The following FAM149A variants were observed in gnomAD, a reference collection of about 807,000 sequenced individuals.
FAM149A encodes family with sequence similarity 149 member A, also known as protein FAM149A.
FAM149A carries 71 observed loss-of-function variants against 78.2 expected under a neutral mutation model. The ratio of observed to expected loss-of-function variants is 0.91; its 90% CI spans 0.75 to 1.11. FAM149A has a LOEUF of 1.11. FAM149A is among the 50% of genes least tolerant of loss of function. The pLI is 0.00. For synonymous variants in FAM149A, 446 were observed against 410.5 expected, an observed-to-expected ratio of 1.09 and a Z score of -1.04; for missense variants, 1,036 against 971.0, an observed-to-expected ratio of 1.07 and a Z score of -0.89.
Position 186,154,496 on chromosome 4 carries a change from C to T in FAM149A, c.1087C>T (p.Pro363Ser). 1 of 1,613,126 alleles carries T rather than the reference C, an allele frequency of 6.2e-7. No individual in the cohort carries two copies. Among genetic ancestry groups the T allele is most frequent in the East Asian group, 2.2e-5 (1 of 44,860 alleles). ...GTGCATTTCTGGCTCTCAAATAGTC[C>T]CAGCAGCACTCTCAGCCTCTGCCCT... is the stretch of plus-strand genomic sequence containing the variant. The change falls in exon 6 of 14, where the codon CCA (proline) becomes TCA (serine). Residue 363 changes from proline (P) to serine (S), a missense_variant. This residue lies in a region of FAM149A where 716 missense variants were observed against 711.8 expected (regional missense o/e 1.01). Coordinates refer to ENST00000389354, the MANE Select transcript of FAM149A (RefSeq NM_001367768.3).
At chr4:186,161,467 G>A (rs1479032308) in intron 8 of FAM149A, among the ~76,000 whole-genome samples, 1 of 152,070 alleles carries the variant, frequency 6.6e-6, no homozygotes, top group Non-Finnish European at 1.5e-5. Context: ...AGAAACTTTT[G>A]GAATTGCTAC....
rs778290616 is a variant in FAM149A at position 186,162,796 on chromosome 4, G to A, written c.1576-49G>A. On this transcript the variant is annotated intron_variant, in intron 8 of 13. Transcript: ENST00000389354. The stretch of plus-strand genomic sequence containing the variant: ...AAGCATCAGTCATTGGAACGGCACT[G>A]GGCATTTGTAATTCTTTTTTTTTTT... 1.5e-4 allele frequency: 156 copies of A among 1,013,424 alleles called. 1 individual carries two copies. Among genetic ancestry groups the A allele is most frequent in the Admixed American group, 4.2e-4 (20 of 47,238 alleles). The allele number at this position is 1,013,424 out of a possible 1,614,324, so 62.8% of individuals were successfully genotyped here.
At chr4:186,120,074 T>A (rs929513222) in intron 1 of FAM149A, among the ~76,000 whole-genome samples, 4 of 152,232 alleles carry the variant, frequency 2.6e-5, no homozygotes, top group Admixed American at 2.6e-4. Context: ...TAAGCATGTT[T>A]CACAGATGAA....
At chr4:186,137,844 T>C (rs899989565) in intron 1 of FAM149A, among the ~76,000 whole-genome samples, 5 of 151,598 alleles carry the variant, frequency 3.3e-5, no homozygotes, top group Non-Finnish European at 7.4e-5. Flanking sequence ...ACTTAGGTAA[T>C]TTTTAAATAT....
At chr4:186,158,236 A>G in intron 8 of FAM149A, 1 of 1,258,402 alleles carries the variant, frequency 7.9e-7, no homozygotes, top group Non-Finnish European at 1.0e-6. Flanking sequence ...AGACCCAGGC[A>G]GCCTTCCGGG....
intron 8 of FAM149A, among the ~76,000 whole-genome samples, chr4:186,161,855 T>C (rs1237238224): frequency 6.6e-6 from 1 of 152,232 alleles, no homozygotes; most frequent in Non-Finnish European, 1.5e-5. Flanking sequence ...TAGAACAGAA[T>C]TCCAGTCCCA....
In FAM149A at chr4:186,104,729, G is replaced by C. The variant is rs1446607987; in HGVS notation, c.-348G>C. ...AGCCTGGAGCGCGGCCGGGTGTGTTGAACGTAGCAACCGCGGGCGGCGGGC... is the reference window on the plus strand; with the variant it reads ...AGCCTGGAGCGCGGCCGGGTGTGTTCAACGTAGCAACCGCGGGCGGCGGGC... On this transcript the variant is annotated 5_prime_UTR_variant, in exon 1 of 14. Coordinates refer to ENST00000389354, the MANE Select transcript of FAM149A (RefSeq NM_001367768.3). Among the ~76,000 whole-genome samples the C allele has an allele frequency of 1.4e-5, 2 of 141,584 alleles. No homozygotes were observed. The highest frequency in any genetic ancestry group is 5.6e-5 in the African/African-American group (2 of 36,016). 92.9% of individuals were successfully genotyped at this position (141,584 alleles called of 152,430 possible).
chr4:186,150,589 T>G (rs1388465703), intron 3 of FAM149A, among the ~76,000 whole-genome samples: 2 of 128,022 alleles, frequency 1.6e-5, no homozygotes, highest in Non-Finnish European at 3.4e-5. Flanking sequence ...CCGGCTAATT[T>G]TTTGTATTTT....
chr4:186,153,224 T>A (rs1321614732), intron 4 of FAM149A: 1 of 974,718 alleles, frequency 1.0e-6, no homozygotes, highest in East Asian at 1.1e-4. Flanking sequence ...GTCAGGTACA[T>A]AAGCCAAGTG....
At chr4:186,165,252 G>C (rs1734938873) in intron 10 of FAM149A, 92 bp from the exon 11 acceptor site, 5 of 1,449,100 alleles carry the variant, frequency 3.5e-6, no homozygotes, top group Non-Finnish European at 4.8e-6. Flanking sequence ...CCCTCACGCA[G>C]AAACATTGAA....
intron 1 of FAM149A, chr4:186,123,889 AT>A (rs368588886): frequency 3.2e-3 from 2,691 of 841,794 alleles, no homozygotes; most frequent in South Asian, 4.6e-3. Flanking sequence ...CTTAAAAAAA[AT>A]AAAACACTTT....
intron 8 of FAM149A, among the ~76,000 whole-genome samples, chr4:186,159,430 AAAG>A (rs1248408225): frequency 2.0e-5 from 3 of 152,002 alleles, no homozygotes; most frequent in African/African-American, 4.8e-5. Context: ...TGGATGAGTA[AAAG>A]ATGGGGCCTG....
intron 1 of FAM149A, among the ~76,000 whole-genome samples, chr4:186,136,976 T>TCTCTCTCTCTCTC (rs2099323291): frequency 6.9e-5 from 5 of 72,118 alleles, no homozygotes; most frequent in Middle Eastern, 8.3e-3. Flanking sequence ...CTCTCTCTCT[T>TCTCTCTCTCTCTC]TCTCTCTCTC....
At chr4:186,163,783 G>T in intron 10 of FAM149A, 150 bp downstream of exon 10, 1 of 658,700 alleles carries the variant, frequency 1.5e-6, no homozygotes, top group Non-Finnish European at 2.7e-6. Context: ...TTAACATTCC[G>T]CTTGCTCCAG....
At position 186,154,632 on chromosome 4, in the gene FAM149A, A is replaced by C; in HGVS notation, c.1223A>C (p.Lys408Thr). ...GAGGAGTATTTCGCTTTTGACAGAA[A>C]AGAGGAGTAAATAGAATCTTATTTG... is the stretch of plus-strand genomic sequence containing the variant. Residue 408 changes from lysine to threonine, a missense_variant, in exon 6 of 14, where the codon AAA (lysine) becomes ACA (threonine). Coordinates refer to ENST00000389354, the MANE Select transcript of FAM149A (RefSeq NM_001367768.3). 1 of 1,613,166 alleles carries C rather than the reference A, an allele frequency of 6.2e-7. No homozygotes were observed. Among genetic ancestry groups the C allele is most frequent in the South Asian group, 1.1e-5 (1 of 90,858 alleles).
chr4:186,106,782 C>T (rs2099308939), intron 1 of FAM149A, among the ~76,000 whole-genome samples: 1 of 152,010 alleles, frequency 6.6e-6, no homozygotes, highest in Admixed American at 6.5e-5. Flanking sequence ...CCCGTCTCTA[C>T]TAAAAATACA....
rs1436997977 is a variant in FAM149A at position 186,166,958 on chromosome 4, C to T, written c.2011-10C>T. 6.2e-7 allele frequency: 1 copy of T among 1,609,256 alleles called. No individual in the cohort carries two copies. The highest frequency in any genetic ancestry group is 8.5e-7 in the Non-Finnish European group (1 of 1,177,232). On this transcript the variant is annotated splice_polypyrimidine_tract_variant and intron_variant, in intron 11 of 13. Coordinates refer to ENST00000389354, the MANE Select transcript of FAM149A (RefSeq NM_001367768.3). ...TTATTTTAAACAAGAACATACTATC[C>T]TTCATTTAGTACAGAGGAAGGCATC...
intron 11 of FAM149A, among the ~76,000 whole-genome samples, chr4:186,165,800 A>AG (rs557406403): frequency 6.6e-6 from 1 of 152,300 alleles, no homozygotes; most frequent in African/African-American, 2.4e-5. Flanking sequence ...ATCCTGCCAC[A>AG]GAAACTCTCT....
intron 1 of FAM149A, among the ~76,000 whole-genome samples, chr4:186,117,216 C>T (rs1434787901): frequency 6.6e-6 from 1 of 152,130 alleles, no homozygotes; most frequent in Non-Finnish European, 1.5e-5. Context: ...CTACCCACAG[C>T]ATCTTTTGTA....
Sources: gnomAD v4.1 joint callset for allele counts (sites outside exome capture counted in the v4.1 genomes callset) on GRCh38, gnomAD v4.1.1 for gene constraint, gnomAD v4.1.1 regional missense constraint, MANE v1.5 for transcripts, NCBI Gene and HGNC (gene_info 2026-07-23, HGNC 2026-07-21) for gene names.